SYT9: variants seen among roughly 807,000 people sequenced by gnomAD.
SYT9 encodes the protein synaptotagmin 9.
In SYT9, 22 loss-of-function variants were observed where a neutral mutation model predicts 48.4. The ratio of observed to expected loss-of-function variants is 0.45; its 90% CI spans 0.32 to 0.65. SYT9 has a LOEUF of 0.65. Among genes scored for constraint, SYT9 ranks in the 30% least tolerant of loss-of-function variants. The pLI, the probability that SYT9 is intolerant of heterozygous loss-of-function variation, is 0.03. For missense variants in SYT9, 577 were observed against 622.0 expected (o/e 0.93, Z 0.77); for synonymous variants, 265 against 245.0 (o/e 1.08, Z -0.76).
intron 6 of SYT9, chr11:7,457,191 T>A (rs1437886451): frequency 6.6e-6 from 1 of 152,292 alleles, no homozygotes; most frequent in Non-Finnish European, 1.5e-5. Context: ...TTTCTTGTGC[T>A]GTCCTTTCAA....
intron 1 of SYT9, among the ~76,000 whole-genome samples, chr11:7,239,935 A>G (rs1330404534): frequency 6.6e-6 from 1 of 152,230 alleles, no homozygotes; most frequent in African/African-American, 2.4e-5. Context: ...ATGAATTTGA[A>G]GCTAAGAGGG....
chr11:7,321,333 C>T (rs888011183), intron 3 of SYT9, among the ~76,000 whole-genome samples: 4 of 152,098 alleles, frequency 2.6e-5, no homozygotes, highest in African/African-American at 9.7e-5. Context: ...TGAGGCCACT[C>T]GCAGACCTGA....
chr11:7,357,621 G>T (rs1850046445), intron 3 of SYT9, among the ~76,000 whole-genome samples: 1 of 151,924 alleles, frequency 6.6e-6, no homozygotes, highest in South Asian at 2.1e-4. Context: ...TCCATCAATT[G>T]CATCAATATA....
rs563789723 is a variant in SYT9 at position 7,422,850 on chromosome 11, C to A, written c.1467+2215C>A. On this transcript the variant is annotated intron_variant, in intron 6 of 6. Coordinates refer to ENST00000318881, the MANE Select transcript of SYT9 (RefSeq NM_175733.4). ...CACAAAGGAGAGTGCAGGGAGCAGG[C>A]CTTGGAGGCCTTTTCCTTCACTGTG... Among the ~76,000 whole-genome samples the A allele has an allele frequency of 2.9e-4, 44 of 152,202 alleles. No individual in the cohort carries two copies. In the South Asian group the frequency reaches 9.1e-3, roughly 32 times the overall value.
intron 3 of SYT9, among the ~76,000 whole-genome samples, chr11:7,343,914 GA>G (rs1849755817): frequency 6.6e-6 from 1 of 152,144 alleles, no homozygotes; most frequent in African/African-American, 2.4e-5. Context: ...AGCGAAAGGG[GA>G]AACCCATTAT....
rs558928439 is a variant in SYT9, at chr11:7,451,847, G to C, written c.1468-14945G>C. On this transcript the variant is annotated intron_variant, in intron 6 of 6. Coordinates refer to ENST00000318881, the MANE Select transcript of SYT9 (RefSeq NM_175733.4). ...AGAGAAGGTGATAATGAGTCCTGATGACACTGTCTGAACCTCTGGATCCAG... is the reference window on the plus strand; with the variant it reads ...AGAGAAGGTGATAATGAGTCCTGATCACACTGTCTGAACCTCTGGATCCAG... Among the ~76,000 whole-genome samples, 6 of 152,270 alleles carry C rather than the reference G, an allele frequency of 3.9e-5. No individual in the cohort carries two copies. The East Asian group carries it at 1.2e-3, about 29-fold the overall frequency.
intron 3 of SYT9, among the ~76,000 whole-genome samples, chr11:7,352,365 A>G (rs1849933965): frequency 6.6e-6 from 1 of 152,200 alleles, no homozygotes; most frequent in African/African-American, 2.4e-5. Flanking sequence ...CCCAATATCT[A>G]CACTGGGCTT....
chr11:7,455,402 C>T (rs565456207), intron 6 of SYT9, among the ~76,000 whole-genome samples: 4 of 149,768 alleles, frequency 2.7e-5, no homozygotes, highest in South Asian at 4.2e-4. Flanking sequence ...GGCGCCATCT[C>T]GGCTCACTGC....
intron 3 of SYT9, among the ~76,000 whole-genome samples, chr11:7,415,441 T>C (rs1033952070): frequency 2.6e-5 from 4 of 151,692 alleles, no homozygotes; most frequent in Non-Finnish European, 5.9e-5. Flanking sequence ...GTGTGGGAGA[T>C]TGGAGGTATG....
chr11:7,360,062 T>C (rs1408131534), intron 3 of SYT9, among the ~76,000 whole-genome samples: 16 of 151,940 alleles, frequency 1.1e-4, no homozygotes, highest in African/African-American at 2.4e-4. Context: ...TTTCAGCTTT[T>C]TACATATGGC....
chr11:7,303,902 C>T (rs1848987356), intron 2 of SYT9, among the ~76,000 whole-genome samples: 1 of 152,274 alleles, frequency 6.6e-6, no homozygotes, highest in Middle Eastern at 3.4e-3. Context: ...CAGACTCCGC[C>T]GTGTGGCTGG....
At position 7,313,777 on chromosome 11, in the gene SYT9, C is replaced by A. The variant is rs745762028; in HGVS notation, c.880C>A (p.Pro294Thr). The change falls in exon 3 of 7, where the codon CCC becomes ACC. Residue 294 changes from proline (P) to threonine (T), a missense_variant. Pro to Thr is a conservative substitution (Grantham distance 38). Coordinates refer to ENST00000318881, the MANE Select transcript of SYT9 (RefSeq NM_175733.4). ...VFDEVFLFPVPYNDLEARKLH... is the reference protein window; with the variant it reads ...VFDEVFLFPVTYNDLEARKLH... The stretch of plus-strand genomic sequence containing the variant: ...TGATGAAGTGTTTTTATTTCCGGTT[C>A]CCTACAATGACCTTGAAGCACGGAA... 2 of 1,614,062 alleles carry A rather than the reference C, an allele frequency of 1.2e-6. No homozygotes were observed. The highest frequency in any genetic ancestry group is 1.3e-5 in the African/African-American group (1 of 74,912).
intron 3 of SYT9, among the ~76,000 whole-genome samples, chr11:7,414,317 C>T (rs1182311356): frequency 2.6e-5 from 4 of 152,126 alleles, no homozygotes; most frequent in Non-Finnish European, 5.9e-5. Flanking sequence ...AGCTAGGTGC[C>T]GTGAAAAGCC....
intron 3 of SYT9, among the ~76,000 whole-genome samples, chr11:7,346,345 G>A (rs1156270819): frequency 6.6e-6 from 1 of 152,224 alleles, no homozygotes; most frequent in Admixed American, 6.5e-5. Context: ...GAGCAGCAGA[G>A]GGGGTTCCTG....
intron 6 of SYT9, among the ~76,000 whole-genome samples, chr11:7,445,504 T>G (rs1847910153): frequency 6.6e-6 from 1 of 152,162 alleles, no homozygotes; most frequent in Non-Finnish European, 1.5e-5. Flanking sequence ...CTCTCATGGC[T>G]CCAGCCTGGT....
At chr11:7,397,484 A>C (rs1483824877) in intron 3 of SYT9, among the ~76,000 whole-genome samples, 1 of 152,068 alleles carries the variant, frequency 6.6e-6, no homozygotes, top group Admixed American at 6.5e-5. Context: ...TGCTTTTTCA[A>C]AATAAGTTTG....
intron 2 of SYT9, among the ~76,000 whole-genome samples, chr11:7,304,893 A>T (rs1394130000): frequency 3.3e-5 from 5 of 152,168 alleles, no homozygotes; most frequent in African/African-American, 1.2e-4. Flanking sequence ...TGAAATTTCC[A>T]TTGAAATTGC....
At chr11:7,244,870 C>T (rs554849930) in intron 1 of SYT9, among the ~76,000 whole-genome samples, 6 of 152,288 alleles carry the variant, frequency 3.9e-5, no homozygotes, top group Admixed American at 3.3e-4. Context: ...TGTTGAGATG[C>T]TGTAACCCAA....
intron 1 of SYT9, among the ~76,000 whole-genome samples, chr11:7,265,796 C>G (rs1274243891): frequency 6.6e-6 from 1 of 151,890 alleles, no homozygotes; most frequent in African/African-American, 2.4e-5. Context: ...TGTCCTAGCC[C>G]TAAGTAAAAT....
Sources: allele counts gnomAD v4.1 joint callset (sites outside exome capture counted in the v4.1 genomes callset), GRCh38; gene constraint gnomAD v4.1.1; transcripts MANE v1.5; gene names NCBI Gene and HGNC (gene_info 2026-07-23, HGNC 2026-07-21).